PRRG2: variants seen among roughly 807,000 people sequenced by gnomAD.
The protein encoded by PRRG2 is proline rich and Gla domain 2.
In PRRG2, 23 loss-of-function variants were observed where a neutral mutation model predicts 27.1. That is an observed-to-expected ratio of 0.85 (90% CI 0.61 to 1.20). The LOEUF (loss-of-function observed/expected upper bound fraction) is 1.20, where lower values mean the gene tolerates loss of function less well. Ranked by LOEUF, PRRG2 falls within the 50% of genes most tolerant of loss-of-function variation. The pLI is 0.00. For synonymous variants in PRRG2, 104 were observed against 103.4 expected (o/e 1.01, Z -0.03); for missense variants, 276 against 254.8 (o/e 1.08, Z -0.57).
At chr19:49,590,149 T>G in intron 6 of PRRG2, 97 bp downstream of exon 6, 1 of 1,355,572 alleles carries the variant, frequency 7.4e-7, no homozygotes, top group Non-Finnish European at 9.8e-7. Flanking sequence ...AATTTGGGCC[T>G]TCTTACCTGG....
intron 1 of PRRG2, 21 bp downstream of exon 1, chr19:49,581,502 G>A (rs1471045262): frequency 6.6e-6 from 1 of 152,174 alleles, no homozygotes; most frequent in Non-Finnish European, 1.5e-5. Context: ...GTCCCTGGAG[G>A]AAGAGCCTGG....
chr19:49,589,426 CTTTTT>C (rs398059803), intron 5 of PRRG2, among the ~76,000 whole-genome samples: 4 of 132,354 alleles, frequency 3.0e-5, no homozygotes, highest in African/African-American at 1.2e-4. Flanking sequence ...ACGCCTGGCC[CTTTTT>C]TTTTTTTTTT....
intron 4 of PRRG2, among the ~76,000 whole-genome samples, chr19:49,587,893 A>T (rs2080683111): frequency 6.6e-6 from 1 of 151,918 alleles, no homozygotes; most frequent in Non-Finnish European, 1.5e-5. Flanking sequence ...TTCTGGGATT[A>T]TAGGCATGAG....
In PRRG2 at chr19:49,588,634, TA is replaced by T; in HGVS notation, c.437+4del. 1 of 1,521,242 alleles carries T rather than the reference TA, an allele frequency of 6.6e-7. No individual in the cohort carries two copies. The allele number at this position is 1,521,242 out of a possible 1,614,324, so 94.2% of individuals were successfully genotyped here. On this transcript the variant is annotated splice_donor_region_variant and intron_variant, in intron 5 of 6. Transcript: ENST00000246794. ...AGGCCAGCAGCCCTGTCCCCAAGAG[TA>T]AGGGGGCTTCAGCGAGGAGGGGGTG...
chr19:49,589,877 A>G, intron 5 of PRRG2, 23 bp from the exon 6 acceptor site: 2 of 1,612,396 alleles, frequency 1.2e-6, no homozygotes, highest in Non-Finnish European at 1.7e-6. Context: ...TGCCTCTGCT[A>G]ACTGTACCTT....
At chr19:49,585,334 T>A (rs2080661378) in intron 4 of PRRG2, among the ~76,000 whole-genome samples, 1 of 152,114 alleles carries the variant, frequency 6.6e-6, no homozygotes, top group Non-Finnish European at 1.5e-5. Flanking sequence ...CAGGCCTAGG[T>A]CTGGGCTGGA....
intron 4 of PRRG2, among the ~76,000 whole-genome samples, chr19:49,586,372 C>A (rs905835044): frequency 7.0e-6 from 1 of 142,782 alleles, no homozygotes; most frequent in East Asian, 2.0e-4. Context: ...CAAGTGTGAG[C>A]CACCAAGCCC....
Position 49,583,916 on chromosome 19 carries a change from C to T in PRRG2, c.265C>T (p.Arg89Cys), listed in dbSNP as rs759129574. ...TTTCCACTCCTTCCCCCTCAAGGAG[C>T]GCTTTTGGGAGAGCTACATCTACAA... ...EYFEDNTLTE[R>C]FWESYIYNGK... The change falls in exon 4 of 7, where the codon CGC (arginine) becomes TGC (cysteine). Residue 89 changes from arginine to cysteine, a missense_variant. Arg to Cys is a radical substitution (Grantham distance 180). Coordinates refer to ENST00000246794, the MANE Select transcript of PRRG2 (RefSeq NM_000951.3). The T allele has an allele frequency of 6.8e-6, 11 of 1,613,690 alleles. No individual in the cohort carries two copies. The highest frequency in any genetic ancestry group is 4.0e-5 in the African/African-American group (3 of 74,886).
At chr19:49,588,755 G>C in intron 5 of PRRG2, 123 bp downstream of exon 5, 3 of 1,224,434 alleles carry the variant, frequency 2.5e-6, no homozygotes, top group Non-Finnish European at 3.2e-6. Context: ...TAAGGACACA[G>C]TCATTTGGAG....
chr19:49,589,875 C>G, intron 5 of PRRG2, 25 bp from the exon 6 acceptor site: 1 of 1,612,728 alleles, frequency 6.2e-7, no homozygotes, highest in Non-Finnish European at 8.5e-7. Context: ...GTTGCCTCTG[C>G]TAACTGTACC....
intron 4 of PRRG2, among the ~76,000 whole-genome samples, chr19:49,587,777 G>A (rs1393694223): frequency 6.6e-6 from 1 of 150,806 alleles, no homozygotes; most frequent in Non-Finnish European, 1.5e-5. Flanking sequence ...GAGCCACCGC[G>A]CCTGGCTAAT....
chr19:49,584,772 C>T (rs754524810), intron 4 of PRRG2, among the ~76,000 whole-genome samples: 3 of 152,184 alleles, frequency 2.0e-5, no homozygotes, highest in Non-Finnish European at 4.4e-5. Flanking sequence ...TCTTATTGGA[C>T]GCAAGTCCTG....
In PRRG2 at chr19:49,584,046, C is replaced by T. The variant is rs1176672218; in HGVS notation, c.301+94C>T. 7.6e-6 allele frequency: 10 copies of T among 1,312,376 alleles called. No individual in the cohort carries two copies. The African/African-American group carries it at 1.3e-4, about 18-fold the overall frequency. 81.3% of individuals were successfully genotyped at this position (1,312,376 alleles called of 1,614,324 possible). On this transcript the variant is annotated intron_variant, in intron 4 of 6. Transcript: ENST00000246794. The stretch of plus-strand genomic sequence containing the variant: ...AACGTCCTCCACCCCAAATTAGGTA[C>T]AAGAATCGTCTGCCCCCCAATTCTG...
chr19:49,582,274 T>G (rs1244714380), intron 1 of PRRG2, among the ~76,000 whole-genome samples: 2 of 137,288 alleles, frequency 1.5e-5, no homozygotes, highest in African/African-American at 2.8e-5. Context: ...CTGTGAAAAG[T>G]TTTGTTTTGT....
At position 49,590,769 on chromosome 19, in the gene PRRG2, C is replaced by G. The variant is rs1030086669; in HGVS notation, c.*380C>G. The G allele has an allele frequency of 3.3e-6, 1 of 301,824 alleles. No homozygotes were observed. The highest frequency in any genetic ancestry group is 3.4e-5 in the South Asian group (1 of 29,102). 18.7% of individuals were successfully genotyped at this position (301,824 alleles called of 1,614,324 possible). On this transcript the variant is annotated 3_prime_UTR_variant, in exon 7 of 7. Transcript: ENST00000246794. ...CCCCTCCAGTGCCACAGGGTACGCA[C>G]ACGCAGAGCCCCGCCTGTGCACACG...
chr19:49,587,939 T>G (rs1026122929), intron 4 of PRRG2, among the ~76,000 whole-genome samples: 25 of 137,466 alleles, frequency 1.8e-4, no homozygotes, highest in African/African-American at 6.9e-4. Context: ...TTTGTTTTTT[T>G]GGTTTTTGTT....
At chr19:49,582,479 G>A (rs2080634721) in intron 1 of PRRG2, among the ~76,000 whole-genome samples, 1 of 151,832 alleles carries the variant, frequency 6.6e-6, no homozygotes. Flanking sequence ...AATGAGTTGA[G>A]GCCGGGCACA....
At chr19:49,580,643 T>C, upstream of PRRG2, 1 of 152,162 alleles carries the variant, frequency 6.6e-6, no homozygotes, top group East Asian at 1.9e-4. Flanking sequence ...GAGCTGCCCC[T>C]AGTTGCGGAA....
At chr19:49,585,104 G>C (rs1194421881) in intron 4 of PRRG2, among the ~76,000 whole-genome samples, 8 of 152,194 alleles carry the variant, frequency 5.3e-5, no homozygotes, top group Admixed American at 5.2e-4. Context: ...GGCCAGGCCA[G>C]ACCAGACGAA....
Sources: allele counts gnomAD v4.1 joint callset (sites outside exome capture counted in the v4.1 genomes callset), GRCh38; gene constraint gnomAD v4.1.1; transcripts MANE v1.5; gene names NCBI Gene and HGNC (gene_info 2026-07-23, HGNC 2026-07-21).